Variants in ATRX observed in about 807,000 individuals in gnomAD.
ATRX encodes the protein chromatin remodeler ATRX.
Under a neutral mutation model 172.6 loss-of-function variants are expected in ATRX, and 12 were observed. The ratio of observed to expected loss-of-function variants is 0.07; its 90% CI spans 0.04 to 0.11. The LOEUF is 0.11. ATRX is among the 10% of genes least tolerant of loss of function. ATRX has a pLI of 1.00. For missense variants in ATRX, 1,368 were observed against 1,767.4 expected, an observed-to-expected ratio of 0.77 and a Z score of 4.05; for synonymous variants, 674 against 594.7, an observed-to-expected ratio of 1.13 and a Z score of -1.94.
chrX:77,580,615 G>A (rs1272656480), intron 27 of ATRX, among the ~76,000 whole-genome samples: 1 of 111,816 alleles, frequency 8.9e-6, no homozygotes, highest in Admixed American at 9.4e-5. Flanking sequence ...ACAAACAAAA[G>A]CTGAGGGATT....
Position 77,741,974 on chromosome X carries a change from AAGAT to A in ATRX, c.21-24735_21-24732del, listed in dbSNP as rs1418837287. Among the ~76,000 whole-genome samples the A allele has an allele frequency of 2.7e-5, 3 of 111,544 alleles. No homozygotes were observed. In the Admixed American group the frequency reaches 2.9e-4, roughly 11 times the overall value. ...TGCATTTAACTGTTTTATATGGTGC[AAGAT>A]AGGGGCCCAACTTAATTGTTCCATG... On this transcript the variant is annotated intron_variant, in intron 1 of 34. Transcript: ENST00000373344.
At chrX:77,771,078 G>A (rs782078319) in intron 1 of ATRX, among the ~76,000 whole-genome samples, 11 of 111,540 alleles carry the variant, frequency 9.9e-5, no homozygotes, top group Non-Finnish European at 2.1e-4. Flanking sequence ...TTTTAGCATA[G>A]CATAAAAAGC....
intron 19 of ATRX, among the ~76,000 whole-genome samples, chrX:77,622,432 G>C (rs1194126580): frequency 6.3e-5 from 7 of 111,254 alleles, no homozygotes; most frequent in African/African-American, 2.3e-4. Flanking sequence ...AAGCCAAGCC[G>C]AGCGAAATAC....
chrX:77,780,280 C>T (rs782352172), intron 1 of ATRX, among the ~76,000 whole-genome samples: 2 of 111,254 alleles, frequency 1.8e-5, no homozygotes, highest in Admixed American at 1.9e-4. Context: ...CCACAAAAGG[C>T]AGATAAGAGA....
chrX:77,776,043 T>A (rs952718095), intron 1 of ATRX, among the ~76,000 whole-genome samples: 11 of 111,783 alleles, frequency 9.8e-5, no homozygotes, highest in African/African-American at 3.6e-4. Context: ...AAAACAATAA[T>A]TCAATAAAAT....
intron 27 of ATRX, among the ~76,000 whole-genome samples, chrX:77,585,416 A>G (rs1225971360): frequency 9.4e-6 from 1 of 106,024 alleles, no homozygotes; most frequent in Non-Finnish European, 1.9e-5. Context: ...TCTACCAAAA[A>G]AATACAAAAA....
chrX:77,608,623 A>G (rs1395964466), intron 22 of ATRX, among the ~76,000 whole-genome samples: 1 of 111,726 alleles, frequency 9.0e-6, no homozygotes, highest in African/African-American at 3.3e-5. Context: ...AATACCTTAA[A>G]CTATGGAATT....
chrX:77,781,614 G>A (rs1557205678), intron 1 of ATRX, among the ~76,000 whole-genome samples: 1 of 110,607 alleles, frequency 9.0e-6, no homozygotes, highest in Non-Finnish European at 1.9e-5. Context: ...TTTACAGATG[G>A]AAAAATAGAA....
chrX:77,644,952 T>C (rs2068835722), intron 15 of ATRX, among the ~76,000 whole-genome samples: 1 of 110,946 alleles, frequency 9.0e-6, no homozygotes, highest in African/African-American at 3.3e-5. Context: ...TCAAAACACA[T>C]TACACACAAA....
At position 77,618,845 on chromosome X, in the gene ATRX, A is replaced by G; in HGVS notation, c.5409T>C (p.Arg1803=). Residue 1803 remains arginine (R), a synonymous_variant, in exon 21 of 35, where the codon CGT becomes CGC. Transcript: ENST00000373344. ...TMVDVRVMKK[R]AHILYEMLAG... ...CTAACATCTCATAGAGAATGTGAGCACGTTTTTTCATCACTCTGACATCTA... is the reference window on the plus strand; with the variant it reads ...CTAACATCTCATAGAGAATGTGAGCGCGTTTTTTCATCACTCTGACATCTA... The G allele has an allele frequency of 8.3e-7, 1 of 1,210,601 alleles. No homozygotes were observed. Among genetic ancestry groups the G allele is most frequent in the Non-Finnish European group, 1.1e-6 (1 of 894,398 alleles).
chrX:77,693,187 G>A (rs1017900606), intron 6 of ATRX, among the ~76,000 whole-genome samples: 2 of 111,268 alleles, frequency 1.8e-5, no homozygotes, highest in African/African-American at 3.3e-5. Flanking sequence ...ACTCCCCACC[G>A]TTTGTGTGTT....
At chrX:77,529,772 G>C (rs1390000971) in intron 30 of ATRX, among the ~76,000 whole-genome samples, 1 of 111,995 alleles carries the variant, frequency 8.9e-6, no homozygotes, top group African/African-American at 3.2e-5. Context: ...TAACCAGCTA[G>C]CATCACGATG....
At chrX:77,526,199 T>C (rs1231606480) in intron 30 of ATRX, among the ~76,000 whole-genome samples, 4 of 112,148 alleles carry the variant, frequency 3.6e-5, no homozygotes, top group African/African-American at 1.3e-4. Flanking sequence ...TCTGTTTTAT[T>C]GAGATACAGT....
At chrX:77,775,497 A>G (rs2076316195) in intron 1 of ATRX, among the ~76,000 whole-genome samples, 1 of 110,395 alleles carries the variant, frequency 9.1e-6, no homozygotes, top group African/African-American at 3.3e-5. Context: ...AGCCTGGGCA[A>G]CATGGCAAAA....
intron 15 of ATRX, among the ~76,000 whole-genome samples, chrX:77,638,615 A>G (rs1485568362): frequency 8.8e-6 from 1 of 113,094 alleles, no homozygotes; most frequent in African/African-American, 3.2e-5. Context: ...ATGTTTGTAA[A>G]TGTCTCTTTA....
chrX:77,687,147 C>A (rs45571038), intron 7 of ATRX, among the ~76,000 whole-genome samples: 2 of 67,261 alleles, frequency 3.0e-5, no homozygotes, highest in East Asian at 8.2e-4. Context: ...AGCAAGACTC[C>A]GTCTCAAAAA....
At chrX:77,563,765 C>T (rs982941302) in intron 28 of ATRX, among the ~76,000 whole-genome samples, 18 of 107,853 alleles carry the variant, frequency 1.7e-4, no homozygotes, top group Non-Finnish European at 3.3e-4. Context: ...ATTAGCCTCA[C>T]TGTGATTATG....
intron 1 of ATRX, among the ~76,000 whole-genome samples, chrX:77,774,975 C>A (rs2076297745): frequency 9.0e-6 from 1 of 111,376 alleles, no homozygotes; most frequent in Non-Finnish European, 1.9e-5. Context: ...CTCAAACAAT[C>A]CTCCCACCTC....
intron 12 of ATRX, among the ~76,000 whole-genome samples, chrX:77,659,743 C>T (rs1228102248): frequency 4.5e-5 from 5 of 111,755 alleles, no homozygotes; most frequent in African/African-American, 1.6e-4. Context: ...TTAGAGTTCA[C>T]ATGTTGCACT....
Sources: allele counts gnomAD v4.1 joint callset (sites outside exome capture counted in the v4.1 genomes callset), GRCh38; gene constraint gnomAD v4.1.1; transcripts MANE v1.5; gene names NCBI Gene and HGNC (gene_info 2026-07-23, HGNC 2026-07-21).